The following TARS3 variants were observed in gnomAD, a reference collection of about 807,000 sequenced individuals.
TARS3 encodes threonine--tRNA ligase 2, cytoplasmic.
Under a neutral mutation model 103.5 loss-of-function variants are expected in TARS3, and 94 were observed. The observed-to-expected ratio is 0.91, with a 90% CI of 0.77 to 1.08. The LOEUF (loss-of-function observed/expected upper bound fraction) is 1.08, where lower values mean the gene tolerates loss of function less well. Ranked by LOEUF, TARS3 falls within the 50% of genes least tolerant of loss-of-function variation. The probability of loss-of-function intolerance (pLI) is 0.00; values close to 1 mark genes in which losing one functional copy is unlikely to be tolerated. For missense variants in TARS3, 952 were observed against 995.2 expected, an observed-to-expected ratio of 0.96 and a Z score of 0.58; for synonymous variants, 416 against 355.4, an observed-to-expected ratio of 1.17 and a Z score of -1.92.
chr15:101,724,170 A>G lies in TARS3; in HGVS notation c.218T>C (p.Leu73Pro). The change falls in exon 1 of 19, where the codon CTG becomes CCG. Residue 73 changes from leucine (L) to proline (P), a missense_variant. Physicochemically the swap from Leu to Pro is moderately conservative, Grantham distance 98 (BLOSUM62 -3). Transcript: ENST00000335968. ...GCGGCTCCGCTCCTCGGCGAGGCAC[A>G]GCCGCAGGCTGCACAGGCGGTGGCG... ...DLRHRLCSLRLCLAEERSRQA... is the reference protein window; with the variant it reads ...DLRHRLCSLRPCLAEERSRQA... 1 of 1,493,258 alleles carries G rather than the reference A, an allele frequency of 6.7e-7. No individual in the cohort carries two copies. Among genetic ancestry groups the G allele is most frequent in the South Asian group, 1.3e-5 (1 of 79,716 alleles). The allele number at this position is 1,493,258 out of a possible 1,614,324, so 92.5% of individuals were successfully genotyped here. A position where few individuals can be genotyped will look rare whatever the true frequency, so the allele number is the denominator to read the frequency against.
At chr15:101,714,391 C>G (rs1170076532) in intron 4 of TARS3, among the ~76,000 whole-genome samples, 3 of 151,778 alleles carry the variant, frequency 2.0e-5, no homozygotes, top group African/African-American at 7.3e-5. Context: ...ACTGCTCGAG[C>G]CCAGGAGTTT....
Position 101,714,848 on chromosome 15 carries a change from C to A in TARS3, c.682G>T (p.Ala228Ser). ...LELLTFDNEE[A>S]QAVYWHSSAH... is the part of the protein sequence containing the mutation. ...GGTTTTTAAATACTCACAGCTTGAGCTTCCTCATTATCAAATGTAAGCAGC... is the reference window on the plus strand; with the variant it reads ...GGTTTTTAAATACTCACAGCTTGAGATTCCTCATTATCAAATGTAAGCAGC... Residue 228 changes from alanine to serine, a missense_variant, in exon 4 of 19, where the codon GCT becomes TCT. Physicochemically the swap from Ala to Ser is moderately conservative, Grantham distance 99. This residue lies in a region of TARS3 where 412 missense variants were observed against 364.2 expected (regional missense o/e 1.13). Transcript: ENST00000335968. 1 of 1,604,182 alleles carries A rather than the reference C, an allele frequency of 6.2e-7. No homozygotes were observed. The highest frequency in any genetic ancestry group is 8.5e-7 in the Non-Finnish European group (1 of 1,174,396).
At chr15:101,701,918 A>C (rs1413658344) in intron 9 of TARS3, among the ~76,000 whole-genome samples, 1 of 152,216 alleles carries the variant, frequency 6.6e-6, no homozygotes, top group Non-Finnish European at 1.5e-5. Flanking sequence ...TGGGACTACA[A>C]GCGCGTGCTG....
At chr15:101,700,067 T>C (rs531305320) in intron 10 of TARS3, among the ~76,000 whole-genome samples, 12 of 152,176 alleles carry the variant, frequency 7.9e-5, no homozygotes, top group Non-Finnish European at 1.6e-4. Flanking sequence ...ACCTGAATCA[T>C]TGCAGAATAT....
rs1899889702 is a variant in TARS3 at position 101,711,943 on chromosome 15, C to T, written c.749G>A (p.Gly250Asp). The T allele has an allele frequency of 6.2e-7, 1 of 1,613,942 alleles. No individual in the cohort carries two copies. The highest frequency in any genetic ancestry group is 8.5e-7 in the Non-Finnish European group (1 of 1,179,836). Residue 250 changes from glycine (G) to aspartate (D), a missense_variant, in exon 5 of 19, where the codon GGC becomes GAC. Transcript: ENST00000335968. ...AATGGGCGGACCGTAGCACAGGTGGCCTCCATAGTAAAGCTCCATGGCCTC... is the reference window on the plus strand; with the variant it reads ...AATGGGCGGACCGTAGCACAGGTGGTCTCCATAGTAAAGCTCCATGGCCTC... The part of the protein sequence containing the change: ...LGEAMELYYG[G>D]HLCYGPPIEN...
At position 101,656,937 on chromosome 15, in the gene TARS3, ACTGAGCCAG is replaced by A; in HGVS notation, c.2236_2244del (p.Leu746_Gln748del). The A allele has an allele frequency of 6.2e-7, 1 of 1,608,504 alleles. No homozygotes were observed. Among genetic ancestry groups the A allele is most frequent in the Non-Finnish European group, 8.5e-7 (1 of 1,176,430 alleles). On this transcript the variant is annotated inframe_deletion, in exon 18 of 19. Coordinates refer to ENST00000335968, the MANE Select transcript of TARS3 (RefSeq NM_152334.3). ...CTTAAATTACCCAAAATAAAATTATACTGAGCCAGCTGTGCATTTCGTATTTTCTTATTT... is the reference window on the plus strand; with the variant it reads ...CTTAAATTACCCAAAATAAAATTATACTGTGCATTTCGTATTTTCTTATTT...
chr15:101,709,702 T>A (rs903115459), intron 5 of TARS3, among the ~76,000 whole-genome samples: 2 of 152,158 alleles, frequency 1.3e-5, no homozygotes, highest in African/African-American at 4.8e-5. Context: ...GTTAGCTCCA[T>A]GAGGACAGAC....
At chr15:101,717,002 A>G (rs1252192683) in intron 3 of TARS3, among the ~76,000 whole-genome samples, 1 of 152,002 alleles carries the variant, frequency 6.6e-6, no homozygotes, top group Admixed American at 6.6e-5. Context: ...GATTACAGGC[A>G]CATGCCACCA....
At chr15:101,687,184 C>G (rs1170481606) in intron 10 of TARS3, among the ~76,000 whole-genome samples, 1 of 152,000 alleles carries the variant, frequency 6.6e-6, no homozygotes, top group Non-Finnish European at 1.5e-5. Context: ...AAGTGCATCA[C>G]CTGAGGTCAG....
chr15:101,721,941 TTA>T (rs1465139623), intron 2 of TARS3, among the ~76,000 whole-genome samples: 2 of 152,214 alleles, frequency 1.3e-5, no homozygotes, highest in Non-Finnish European at 2.9e-5. Flanking sequence ...AAAATAGGCT[TTA>T]TGTTAGAGGA....
chr15:101,654,217 CCCT>C lies in TARS3; in HGVS notation c.*362_*364del, dbSNP rs200696575. ...GAGACATATTAGAAAATAAGATTTT[CCCT>C]CCTATTTAAAAAAAACTCTGCAGAC... On this transcript the variant is annotated 3_prime_UTR_variant, in exon 19 of 19. Coordinates refer to ENST00000335968, the MANE Select transcript of TARS3 (RefSeq NM_152334.3). 674 of 172,340 alleles carry C rather than the reference CCCT, an allele frequency of 3.9e-3. 4 individuals are homozygous for C. Among genetic ancestry groups the C allele is most frequent in the African/African-American group, 0.014 (605 of 42,206 alleles). 10.7% of individuals were successfully genotyped at this position (172,340 alleles called of 1,614,324 possible). A position where few individuals can be genotyped will look rare whatever the true frequency, so the allele number is the denominator to read the frequency against.
chr15:101,721,968 A>G (rs1900487881), intron 2 of TARS3, among the ~76,000 whole-genome samples: 1 of 152,216 alleles, frequency 6.6e-6, no homozygotes, highest in South Asian at 2.1e-4. Context: ...GCCCAACTGT[A>G]AGCTAATCTA....
At chr15:101,667,577 C>CT (rs148005966) in intron 15 of TARS3, among the ~76,000 whole-genome samples, 53,065 of 147,972 alleles carry the variant, frequency 0.36, 10,003 homozygotes, top group Non-Finnish European at 0.44. Context: ...ATGGAGATGG[C>CT]TTTTTTTTTT....
intron 10 of TARS3, among the ~76,000 whole-genome samples, chr15:101,696,917 G>A (rs1169501181): frequency 1.3e-5 from 2 of 152,154 alleles, no homozygotes; most frequent in African/African-American, 2.4e-5. Context: ...GGATGCCTCC[G>A]TGTCCTCCAT....
chr15:101,684,250 T>C lies in TARS3; in HGVS notation c.1488-13A>G. 2 of 1,612,432 alleles carry C rather than the reference T, an allele frequency of 1.2e-6. No homozygotes were observed. Among genetic ancestry groups the C allele is most frequent in the Non-Finnish European group, 1.7e-6 (2 of 1,179,050 alleles). ...GGCAAACATTAGACTAGAAAAGATGTGGTAACACACAGCTTTTACACAGCA... is the reference window on the plus strand; with the variant it reads ...GGCAAACATTAGACTAGAAAAGATGCGGTAACACACAGCTTTTACACAGCA... On this transcript the variant is annotated splice_polypyrimidine_tract_variant and intron_variant, in intron 11 of 18. Transcript: ENST00000335968.
intron 18 of TARS3, chr15:101,655,999 C>T: frequency 7.8e-7 from 1 of 1,289,204 alleles, no homozygotes; most frequent in African/African-American, 1.5e-5. Flanking sequence ...TGCTTCTTGC[C>T]ACACAGAAGG....
intron 9 of TARS3, 42 bp from the exon 10 acceptor site, chr15:101,701,226 T>C (rs1899258285): frequency 5.6e-6 from 7 of 1,244,010 alleles, no homozygotes; most frequent in South Asian, 4.0e-5. Context: ...TCATCTGCTA[T>C]TGCTTAATAT....
intron 12 of TARS3, among the ~76,000 whole-genome samples, chr15:101,677,520 C>T (rs1310375567): frequency 4.5e-4 from 64 of 143,278 alleles, no homozygotes; most frequent in African/African-American, 1.4e-3. Context: ...TTTTTTGAGA[C>T]GGAGTTTTGC....
chr15:101,676,041 C>T (rs1007551523), intron 12 of TARS3, among the ~76,000 whole-genome samples: 11 of 152,150 alleles, frequency 7.2e-5, no homozygotes, highest in Non-Finnish European at 1.3e-4. Context: ...GACAAGCAAA[C>T]GCTCTGCATG....
Sources: gnomAD v4.1 joint callset for allele counts (sites outside exome capture counted in the v4.1 genomes callset) on GRCh38, gnomAD v4.1.1 for gene constraint, gnomAD v4.1.1 regional missense constraint, MANE v1.5 for transcripts, NCBI Gene and HGNC (gene_info 2026-07-23, HGNC 2026-07-21) for gene names.